Variants in CNTN4 observed in about 807,000 individuals in gnomAD.
CNTN4 encodes contactin-4.
A neutral mutation model predicts 122.5 loss-of-function variants in CNTN4; 77 were observed. That is an observed-to-expected ratio of 0.63 (90% CI 0.52 to 0.76). The LOEUF (loss-of-function observed/expected upper bound fraction) is 0.76, where lower values mean the gene tolerates loss of function less well. CNTN4 is among the 30% of genes least tolerant of loss of function. The pLI, the probability that CNTN4 is intolerant of heterozygous loss-of-function variation, is 0.00. For missense variants in CNTN4, 1,256 were observed against 1,259.1 expected (o/e 1.00, Z 0.04); for synonymous variants, 512 against 447.0 (o/e 1.15, Z -1.83).
intron 4 of CNTN4, among the ~76,000 whole-genome samples, chr3:2,672,526 G>A (rs917305806): frequency 2.0e-5 from 3 of 152,164 alleles, no homozygotes; most frequent in Middle Eastern, 3.2e-3. Context: ...CCTTTCCTTG[G>A]CTAGGAAAGG....
At chr3:3,010,627 T>C (rs990242529) in intron 14 of CNTN4, among the ~76,000 whole-genome samples, 1 of 152,182 alleles carries the variant, frequency 6.6e-6, no homozygotes, top group Non-Finnish European at 1.5e-5. Flanking sequence ...TTTGTTAATA[T>C]TCAATCCTTG....
At chr3:3,019,672 A>G (rs959075740) in intron 14 of CNTN4, among the ~76,000 whole-genome samples, 6 of 151,226 alleles carry the variant, frequency 4.0e-5, no homozygotes, top group African/African-American at 9.7e-5. Flanking sequence ...ATATATATAT[A>G]TGTGTATATA....
At chr3:2,341,191 G>A (rs1015964372) in intron 3 of CNTN4, among the ~76,000 whole-genome samples, 3 of 152,010 alleles carry the variant, frequency 2.0e-5, no homozygotes, top group Non-Finnish European at 4.4e-5. Flanking sequence ...TATGAATACT[G>A]CTCTGGTTTC....
At chr3:2,421,852 A>T (rs140999683) in intron 3 of CNTN4, among the ~76,000 whole-genome samples, 2 of 152,320 alleles carry the variant, frequency 1.3e-5, no homozygotes, top group Non-Finnish European at 2.9e-5. Context: ...CATTCTACTA[A>T]GGAGAAACTT....
chr3:2,777,980 C>T lies in CNTN4; in HGVS notation c.358+32283C>T, dbSNP rs1412183753. ...CTGTAATGCCAGCACTTTGGGAGGC[C>T]GAGGTGGGCGGATCATGAGGTCAGG... On this transcript the variant is annotated intron_variant, in intron 6 of 24. Coordinates refer to ENST00000418658, the MANE Select transcript of CNTN4 (RefSeq NM_175607.3). Among the ~76,000 whole-genome samples the T allele has an allele frequency of 5.9e-5, 9 of 151,996 alleles. No homozygotes were observed. In the South Asian group the frequency reaches 6.3e-4, roughly 11 times the overall value.
chr3:2,282,282 T>A (rs968946569), intron 2 of CNTN4, among the ~76,000 whole-genome samples: 2 of 152,054 alleles, frequency 1.3e-5, no homozygotes, highest in African/African-American at 4.8e-5. Flanking sequence ...TAATGATTGG[T>A]TTATTTTGAT....
intron 13 of CNTN4, among the ~76,000 whole-genome samples, chr3:2,937,536 A>C (rs542027595): frequency 8.5e-5 from 13 of 152,316 alleles, no homozygotes; most frequent in African/African-American, 3.1e-4. Context: ...AGGTGCTTTA[A>C]GTTTATGCTG....
chr3:2,154,899 C>T (rs1224122627), intron 2 of CNTN4, among the ~76,000 whole-genome samples: 1 of 152,204 alleles, frequency 6.6e-6, no homozygotes, highest in Non-Finnish European at 1.5e-5. Flanking sequence ...TCTGTATGGG[C>T]CTGCCCAGAG....
chr3:2,210,785 C>T (rs1025788610), intron 2 of CNTN4, among the ~76,000 whole-genome samples: 3 of 152,112 alleles, frequency 2.0e-5, no homozygotes, highest in African/African-American at 7.2e-5. Context: ...TGAATCTGCC[C>T]ATTTCCTTCA....
rs1309705230 is a variant in CNTN4 at position 2,238,764 on chromosome 3, G to C, written c.-144-100414G>C. The C allele has an allele frequency of 1.1e-4, 9 of 85,074 alleles. 1 individual carries two copies. Among genetic ancestry groups the C allele is most frequent in the Non-Finnish European group, 1.5e-4 (6 of 39,646 alleles). 5.3% of individuals were successfully genotyped at this position (85,074 alleles called of 1,614,324 possible). A position where few individuals can be genotyped will look rare whatever the true frequency, so the allele number is the denominator to read the frequency against. Reference sequence around the variant, plus strand: ...TTTTTTTGAGACGGAGTCTGGCCCTGTCGCCCAGGCTGGAGTGCGGTGGCG... The same window carrying C: ...TTTTTTTGAGACGGAGTCTGGCCCTCTCGCCCAGGCTGGAGTGCGGTGGCG... On this transcript the variant is annotated intron_variant, in intron 2 of 24. Coordinates refer to ENST00000418658, the MANE Select transcript of CNTN4 (RefSeq NM_175607.3).
intron 2 of CNTN4, among the ~76,000 whole-genome samples, chr3:2,112,423 A>G (rs2033034144): frequency 6.6e-6 from 1 of 152,220 alleles, no homozygotes. Context: ...TTTAAAACTT[A>G]GCAAGCATAA....
chr3:2,406,694 C>T (rs1476188934), intron 3 of CNTN4, among the ~76,000 whole-genome samples: 4 of 152,142 alleles, frequency 2.6e-5, no homozygotes, highest in African/African-American at 9.7e-5. Context: ...CTCACATTGT[C>T]CATCTGTAAA....
chr3:2,809,435 G>C (rs1165517144), intron 6 of CNTN4, among the ~76,000 whole-genome samples: 1 of 152,200 alleles, frequency 6.6e-6, no homozygotes, highest in African/African-American at 2.4e-5. Context: ...GTATAACTAA[G>C]TAAGGAGGGA....
intron 2 of CNTN4, among the ~76,000 whole-genome samples, chr3:2,187,459 T>A (rs1006192733): frequency 2.6e-5 from 4 of 152,110 alleles, no homozygotes; most frequent in African/African-American, 9.7e-5. Context: ...TAATTTCACC[T>A]CATAGCTCTG....
At chr3:2,241,544 A>G (rs2039941051) in intron 2 of CNTN4, among the ~76,000 whole-genome samples, 1 of 152,064 alleles carries the variant, frequency 6.6e-6, no homozygotes, top group Non-Finnish European at 1.5e-5. Context: ...TTTGGCTTCT[A>G]ATGTTTAGCT....
intron 13 of CNTN4, among the ~76,000 whole-genome samples, chr3:2,949,615 G>C (rs577661836): frequency 6.6e-6 from 1 of 152,236 alleles, no homozygotes; most frequent in South Asian, 2.1e-4. Flanking sequence ...AGAGACATTG[G>C]GTGGCAGCTC....
chr3:2,374,518 T>A (rs557561602), intron 3 of CNTN4, among the ~76,000 whole-genome samples: 2 of 152,300 alleles, frequency 1.3e-5, no homozygotes, highest in East Asian at 3.9e-4. Flanking sequence ...TCCTCAGAAG[T>A]CCTCTGCATT....
chr3:2,342,653 T>C (rs1271757054), intron 3 of CNTN4, among the ~76,000 whole-genome samples: 1 of 152,260 alleles, frequency 6.6e-6, no homozygotes, highest in Non-Finnish European at 1.5e-5. Context: ...GAAGGGTCTT[T>C]CCCCTCACTT....
intron 3 of CNTN4, among the ~76,000 whole-genome samples, chr3:2,426,909 T>A (rs1450091680): frequency 6.6e-6 from 1 of 152,236 alleles, no homozygotes; most frequent in Non-Finnish European, 1.5e-5. Flanking sequence ...GTGGGATCAT[T>A]AATGATATCC....
Sources: allele counts gnomAD v4.1 joint callset (sites outside exome capture counted in the v4.1 genomes callset), GRCh38; gene constraint gnomAD v4.1.1; transcripts MANE v1.5; gene names NCBI Gene and HGNC (gene_info 2026-07-23, HGNC 2026-07-21).